NUDT13: variants seen among roughly 807,000 people sequenced by gnomAD.
NUDT13 encodes nudix hydrolase 13.
A neutral mutation model predicts 41.7 loss-of-function variants in NUDT13; 40 were observed. The observed-to-expected ratio is 0.96, with a 90% confidence interval of 0.75 to 1.25. NUDT13 has a LOEUF of 1.25. Among genes scored for constraint, NUDT13 ranks in the 50% most tolerant of loss-of-function variants. The pLI is 0.00. For missense variants in NUDT13, 390 were observed against 416.1 expected (o/e 0.94, Z 0.55); for synonymous variants, 145 against 155.5 (o/e 0.93, Z 0.50).
At chr10:73,115,262 G>C (rs1475834195) in intron 2 of NUDT13, 1 of 152,150 alleles carries the variant, frequency 6.6e-6, no homozygotes, top group Non-Finnish European at 1.5e-5. Context: ...CTGAAGCCTT[G>C]ATCTCCTGGG....
chr10:73,127,155 C>T (rs1369517922), intron 8 of NUDT13, among the ~76,000 whole-genome samples: 1 of 151,760 alleles, frequency 6.6e-6, no homozygotes, highest in Non-Finnish European at 1.5e-5. Flanking sequence ...CTGAGGTGGG[C>T]GGATCACGAG....
chr10:73,122,354 A>C (rs756682548), intron 4 of NUDT13, 45 bp downstream of exon 4: 2 of 1,531,620 alleles, frequency 1.3e-6, no homozygotes, highest in Admixed American at 4.4e-5. Flanking sequence ...TGGTCTTCAG[A>C]ATTTGGGATT....
chr10:73,125,892 C>T (rs1204827169), intron 7 of NUDT13, among the ~76,000 whole-genome samples: 2 of 151,924 alleles, frequency 1.3e-5, no homozygotes, highest in African/African-American at 4.8e-5. Flanking sequence ...CGCCGTGTTG[C>T]CTAGGCCAGT....
intron 4 of NUDT13, among the ~76,000 whole-genome samples, chr10:73,123,897 G>A (rs1480258728): frequency 6.6e-6 from 1 of 152,070 alleles, no homozygotes; most frequent in African/African-American, 2.4e-5. Context: ...GACCTCAAGT[G>A]ATTCACCCGC....
intron 2 of NUDT13, chr10:73,115,300 C>G (rs1325209763): frequency 2.0e-5 from 3 of 152,128 alleles, no homozygotes; most frequent in Non-Finnish European, 4.4e-5. Flanking sequence ...CCTCAAACCC[C>G]CAAGTAGCTG....
At chr10:73,113,418 A>AT (rs1357009806) in intron 1 of NUDT13, among the ~76,000 whole-genome samples, 1 of 152,156 alleles carries the variant, frequency 6.6e-6, no homozygotes, top group Non-Finnish European at 1.5e-5. Context: ...CTTTAAATAC[A>AT]TTTTTTATAG....
At chr10:73,112,636 G>T (rs1055252201) in intron 1 of NUDT13, among the ~76,000 whole-genome samples, 1 of 151,506 alleles carries the variant, frequency 6.6e-6, no homozygotes, top group Admixed American at 6.6e-5. Context: ...CACATTTTTT[G>T]TGTGTGTTGA....
chr10:73,124,364 T>A, intron 5 of NUDT13, 44 bp downstream of exon 5: 1 of 1,334,890 alleles, frequency 7.5e-7, no homozygotes, highest in Non-Finnish European at 1.1e-6. Context: ...AGTAGAGCAG[T>A]AAGTGTGGGC....
At position 73,126,785 on chromosome 10, in the gene NUDT13, C is replaced by T; in HGVS notation, c.816C>T (p.Leu272=). ...SQHWPFPSGS[L]MIACHATVKP... is the part of the protein sequence containing the mutation. ...ATTGGCCCTTCCCTAGTGGCTCACT[C>T]ATGATTGCTTGCCATGCAACTGTGA... Residue 272 remains leucine (L), a synonymous_variant, in exon 8 of 9, where the codon CTC becomes CTT. Transcript: ENST00000357321. 1 of 1,614,186 alleles carries T rather than the reference C, an allele frequency of 6.2e-7. No homozygotes were observed. Among genetic ancestry groups the T allele is most frequent in the South Asian group, 1.1e-5 (1 of 91,074 alleles).
chr10:73,115,709 A>G (rs1260757408), intron 2 of NUDT13, among the ~76,000 whole-genome samples: 1 of 152,234 alleles, frequency 6.6e-6, no homozygotes, highest in Admixed American at 6.5e-5. Flanking sequence ...ATATTGTTCT[A>G]TTCCTGTCAC....
At chr10:73,115,957 A>C (rs1842496599) in intron 2 of NUDT13, among the ~76,000 whole-genome samples, 1 of 152,164 alleles carries the variant, frequency 6.6e-6, no homozygotes, top group African/African-American at 2.4e-5. Context: ...TTAAATTTAT[A>C]CCATCTATGT....
At chr10:73,123,460 G>T (rs1231377637) in intron 4 of NUDT13, among the ~76,000 whole-genome samples, 1 of 151,982 alleles carries the variant, frequency 6.6e-6, no homozygotes, top group Non-Finnish European at 1.5e-5. Flanking sequence ...TCTTTTCCAC[G>T]GATAAGCTAA....
chr10:73,127,276 G>A lies in NUDT13; in HGVS notation c.858+449G>A, dbSNP rs534027923. On this transcript the variant is annotated intron_variant, in intron 8 of 8. Transcript: ENST00000357321. ...TGCCTGTAGTCCCAGCTATTTGGGA[G>A]GCTGAGGCAGGAGAATCGCTTGAAC... Among the ~76,000 whole-genome samples, 35 of 152,098 alleles carry A rather than the reference G, an allele frequency of 2.3e-4. No individual in the cohort carries two copies. In the East Asian group the frequency reaches 2.9e-3, roughly 13 times the overall value.
chr10:73,120,168 A>AGTGGACCAGTGGC lies in NUDT13; in HGVS notation c.223+14_223+26dup. ...GGCACAGCCTGTTAGGTAAGTCCAG[A>AGTGGACCAGTGGC]GTGGACCAGTGGCGTTGACCAGCCT... is the stretch of plus-strand genomic sequence containing the variant. On this transcript the variant is annotated intron_variant, in intron 3 of 8. Coordinates refer to ENST00000357321, the MANE Select transcript of NUDT13 (RefSeq NM_015901.6). 1 of 1,611,936 alleles carries AGTGGACCAGTGGC rather than the reference A, an allele frequency of 6.2e-7. No homozygotes were observed.
rs1452845769 is a variant in NUDT13 at position 73,120,169 on chromosome 10, G to A, written c.223+12G>A. ...GCACAGCCTGTTAGGTAAGTCCAGA[G>A]TGGACCAGTGGCGTTGACCAGCCTG... On this transcript the variant is annotated intron_variant, in intron 3 of 8. Transcript: ENST00000357321. 1 of 1,611,942 alleles carries A rather than the reference G, an allele frequency of 6.2e-7. No homozygotes were observed. The highest frequency in any genetic ancestry group is 8.5e-7 in the Non-Finnish European group (1 of 1,178,752).
intron 7 of NUDT13, 44 bp downstream of exon 7, chr10:73,125,553 A>C: frequency 1.7e-6 from 2 of 1,211,010 alleles, no homozygotes; most frequent in Non-Finnish European, 2.4e-6. Flanking sequence ...GAAGATATAC[A>C]ATCTTACTAA....
At position 73,130,717 on chromosome 10, in the gene NUDT13, G is replaced by A. The variant is rs1000383926; in HGVS notation, c.873G>A (p.Leu291=). Residue 291 remains leucine (L), a synonymous_variant, in exon 9 of 9, where the codon TTG becomes TTA. Coordinates refer to ENST00000357321, the MANE Select transcript of NUDT13 (RefSeq NM_015901.6). ...KPGQTEIQVN[L]RELETAAWFS... ...ATGTCTTTCAGATCCAGGTGAACTT[G>A]AGAGAATTAGAGACAGCTGCCTGGT... is the stretch of plus-strand genomic sequence containing the variant. The A allele has an allele frequency of 6.8e-6, 11 of 1,613,456 alleles. No homozygotes were observed. In the African/African-American group the frequency reaches 1.5e-4, roughly 22 times the overall value.
chr10:73,113,242 C>T (rs192196990), intron 1 of NUDT13, among the ~76,000 whole-genome samples: 81 of 152,260 alleles, frequency 5.3e-4, no homozygotes, highest in African/African-American at 1.8e-3. Flanking sequence ...TTTCAGTTAA[C>T]GTTCTTGTAC....
At chr10:73,121,578 C>T (rs576089319) in intron 3 of NUDT13, among the ~76,000 whole-genome samples, 20 of 152,294 alleles carry the variant, frequency 1.3e-4, no homozygotes, top group East Asian at 3.9e-4. Flanking sequence ...ATTTTACTCT[C>T]GTCCACAAAA....
Sources: allele counts gnomAD v4.1 joint callset (sites outside exome capture counted in the v4.1 genomes callset), GRCh38; gene constraint gnomAD v4.1.1; transcripts MANE v1.5; gene names NCBI Gene and HGNC (gene_info 2026-07-23, HGNC 2026-07-21).